Variants in LMO7 observed in about 807,000 individuals in gnomAD.
LMO7 encodes LIM domain only protein 7.
A neutral mutation model predicts 206.5 loss-of-function variants in LMO7; 120 were observed. The observed-to-expected ratio is 0.58, with a 90% CI of 0.50 to 0.68. LMO7 has a LOEUF of 0.68. Among genes scored for constraint, LMO7 ranks in the 30% least tolerant of loss-of-function variants. The probability of loss-of-function intolerance (pLI) is 0.00; values close to 1 mark genes in which losing one functional copy is unlikely to be tolerated. For synonymous variants in LMO7, 706 were observed against 681.5 expected (o/e 1.04, Z -0.56); for missense variants, 1,959 against 1,957.9 (o/e 1.00, Z -0.01).
chr13:75,622,002 C>T (rs997813698), intron 1 of LMO7: 18 of 495,530 alleles, frequency 3.6e-5, no homozygotes, highest in African/African-American at 1.2e-4. Flanking sequence ...GTAAATACTG[C>T]AACTGAGATA....
At chr13:75,776,315 A>G (rs1285665069) in intron 4 of LMO7, among the ~76,000 whole-genome samples, 1 of 150,216 alleles carries the variant, frequency 6.7e-6, no homozygotes, top group Non-Finnish European at 1.5e-5. Context: ...ATCTCGATCA[A>G]CATTTGAACT....
chr13:75,724,384 G>C (rs2044281314), intron 2 of LMO7, among the ~76,000 whole-genome samples: 1 of 152,096 alleles, frequency 6.6e-6, no homozygotes, highest in South Asian at 2.1e-4. Context: ...GATGGAACAA[G>C]GGAATACAGG....
At chr13:75,764,481 T>C (rs1379429785) in intron 4 of LMO7, among the ~76,000 whole-genome samples, 2 of 152,102 alleles carry the variant, frequency 1.3e-5, no homozygotes, top group Non-Finnish European at 2.9e-5. Context: ...CGTCATGGTC[T>C]TTGTGGTGGC....
chr13:75,665,816 C>A (rs951156800), intron 1 of LMO7, among the ~76,000 whole-genome samples: 3 of 152,158 alleles, frequency 2.0e-5, no homozygotes, highest in African/African-American at 7.2e-5. Flanking sequence ...TGTGAGCCAC[C>A]ACGCCTGGCC....
rs888385653 is a variant in LMO7, at chr13:75,727,206, G to GT, written c.210+115dup. The GT allele has an allele frequency of 9.1e-5, 57 of 627,916 alleles. No individual in the cohort carries two copies. In the African/African-American group the frequency reaches 9.3e-4, roughly 10 times the overall value. 38.9% of individuals were successfully genotyped at this position (627,916 alleles called of 1,614,324 possible). A position where few individuals can be genotyped will look rare whatever the true frequency, so the allele number is the denominator to read the frequency against. On this transcript the variant is annotated intron_variant, in intron 3 of 30. Coordinates refer to ENST00000377534, the MANE Select transcript of LMO7 (RefSeq NM_001306080.2). Reference sequence around the variant, plus strand: ...CAATTACCACTGAAATTAGGTTATGGTTTTTTTGCTGAAGCAAAGTGTGTT... The same window carrying GT: ...CAATTACCACTGAAATTAGGTTATGGTTTTTTTTGCTGAAGCAAAGTGTGTT...
chr13:75,856,456 G>A (rs763765706), intron 29 of LMO7, 50 bp from the exon 30 acceptor site: 9 of 1,159,006 alleles, frequency 7.8e-6, no homozygotes, highest in Non-Finnish European at 1.2e-5. Flanking sequence ...AGTGCCCCAA[G>A]CTTTCTTGAG....
At chr13:75,837,721 T>A (rs1448212280) in intron 19 of LMO7, among the ~76,000 whole-genome samples, 1 of 152,206 alleles carries the variant, frequency 6.6e-6, no homozygotes, top group Non-Finnish European at 1.5e-5. Context: ...CCCCATTACT[T>A]TTCACTTCTT....
chr13:75,655,718 AT>A (rs1400946201), intron 1 of LMO7, among the ~76,000 whole-genome samples: 2 of 146,682 alleles, frequency 1.4e-5, no homozygotes, highest in East Asian at 4.0e-4. Context: ...TTAAAAAAAT[AT>A]TTACTTGAAT....
At position 75,700,831 on chromosome 13, in the gene LMO7, G is replaced by A. The variant is rs569434430; in HGVS notation, c.70-12351G>A. On this transcript the variant is annotated intron_variant, in intron 1 of 30. Coordinates refer to ENST00000377534, the MANE Select transcript of LMO7 (RefSeq NM_001306080.2). ...TTCATCACACTATGCAAAACAATGC[G>A]CAATTTAAAACTTAAGAATTGTTTA... 3.8e-4 allele frequency among the ~76,000 whole-genome samples: 58 copies of A among 152,294 alleles called. No individual in the cohort carries two copies. The South Asian group carries it at 0.01, about 27-fold the overall frequency.
chr13:75,823,656 C>T lies in LMO7; in HGVS notation c.2732C>T (p.Ala911Val). 3 of 1,614,166 alleles carry T rather than the reference C, an allele frequency of 1.9e-6. No homozygotes were observed. The highest frequency in any genetic ancestry group is 2.5e-6 in the Non-Finnish European group (3 of 1,180,022). Reference sequence around the variant, plus strand: ...AGCACCCCTGCACCAAGCCCGGACGCAAGCCAACTGGCTTCAAGCTTATCT... The same window carrying T: ...AGCACCCCTGCACCAAGCCCGGACGTAAGCCAACTGGCTTCAAGCTTATCT... ...VVSTPAPSPD[A>V]SQLASSLSSQ... Residue 911 changes from alanine to valine, a missense_variant, in exon 15 of 31, where the codon GCA (alanine) becomes GTA (valine). Ala to Val is a moderately conservative substitution (Grantham distance 64, BLOSUM62 0). Transcript: ENST00000377534.
chr13:75,781,721 T>C (rs1224884639), intron 4 of LMO7, among the ~76,000 whole-genome samples: 1 of 151,754 alleles, frequency 6.6e-6, no homozygotes, highest in East Asian at 1.9e-4. Context: ...CCACAATGGT[T>C]GAACTAGTTT....
At chr13:75,804,820 G>C in intron 8 of LMO7, 6 of 1,130,348 alleles carry the variant, frequency 5.3e-6, no homozygotes, top group East Asian at 5.0e-5. Flanking sequence ...TATTGTTCAT[G>C]ATGAGCCATG....
chr13:75,833,288 A>G lies in LMO7; in HGVS notation c.3064+123A>G, dbSNP rs558654336. 143 of 641,394 alleles carry G rather than the reference A, an allele frequency of 2.2e-4. 1 individual carries two copies. In the African/African-American group the frequency reaches 2.2e-3, roughly 10 times the overall value. 39.7% of individuals were successfully genotyped at this position (641,394 alleles called of 1,614,324 possible). A position where few individuals can be genotyped will look rare whatever the true frequency, so the allele number is the denominator to read the frequency against. On this transcript the variant is annotated intron_variant, in intron 16 of 30. Coordinates refer to ENST00000377534, the MANE Select transcript of LMO7 (RefSeq NM_001306080.2). ...GAGAAAACGTGAAAAATGCAACCATAAGGCCAGAAAATACATCCTCTTTCC... is the reference window on the plus strand; with the variant it reads ...GAGAAAACGTGAAAAATGCAACCATGAGGCCAGAAAATACATCCTCTTTCC...
At chr13:75,768,817 A>G (rs1234878465) in intron 4 of LMO7, among the ~76,000 whole-genome samples, 3 of 152,154 alleles carry the variant, frequency 2.0e-5, no homozygotes, top group African/African-American at 7.2e-5. Context: ...ATTCAAATGT[A>G]CATCGCAGTC....
At chr13:75,629,828 G>C (rs2034678799) in intron 2 of LMO7, among the ~76,000 whole-genome samples, 1 of 152,100 alleles carries the variant, frequency 6.6e-6, no homozygotes, top group Non-Finnish European at 1.5e-5. Flanking sequence ...CAGGGAATGG[G>C]GTTGGCATGA....
rs1165840192 is a variant in LMO7 at position 75,751,218 on chromosome 13, C to CG, written c.211-9712dup. Among the ~76,000 whole-genome samples, 16 of 126,850 alleles carry CG rather than the reference C, an allele frequency of 1.3e-4. No homozygotes were observed. In the South Asian group the frequency reaches 4.1e-3, roughly 32 times the overall value. 83.2% of individuals were successfully genotyped at this position (126,850 alleles called of 152,430 possible). On this transcript the variant is annotated intron_variant, in intron 3 of 30. Coordinates refer to ENST00000377534, the MANE Select transcript of LMO7 (RefSeq NM_001306080.2). ...CTCTGTCGCCCAGGCTGGAGTTCAG[C>CG]GGCGTGATCTCGGCTCACTGCAAGC...
intron 3 of LMO7, chr13:75,760,490 T>A: frequency 7.8e-7 from 1 of 1,276,830 alleles, no homozygotes; most frequent in Non-Finnish European, 9.9e-7. Flanking sequence ...TTCCTCCTCT[T>A]ATTTCTTCCC....
At chr13:75,802,610 G>T (rs1427459950) in intron 7 of LMO7, among the ~76,000 whole-genome samples, 1 of 152,172 alleles carries the variant, frequency 6.6e-6, no homozygotes, top group African/African-American at 2.4e-5. Context: ...GTTGGAATGG[G>T]CACCTGTCCA....
chr13:75,748,958 C>G (rs1008760664), intron 3 of LMO7, among the ~76,000 whole-genome samples: 1 of 151,926 alleles, frequency 6.6e-6, no homozygotes, highest in African/African-American at 2.4e-5. Context: ...ACTACAGGCA[C>G]TGGCCCCCTG....
Sources: allele counts gnomAD v4.1 joint callset (sites outside exome capture counted in the v4.1 genomes callset), GRCh38; gene constraint gnomAD v4.1.1; transcripts MANE v1.5; gene names NCBI Gene and HGNC (gene_info 2026-07-23, HGNC 2026-07-21).